RBFOX1: variants seen among roughly 807,000 people sequenced by gnomAD.
RBFOX1 encodes the protein RNA binding protein fox-1 homolog 1.
A neutral mutation model predicts 57.7 loss-of-function variants in RBFOX1; 8 were observed. The observed-to-expected ratio is 0.14, with a 90% confidence interval of 0.08 to 0.25. RBFOX1 has a LOEUF of 0.25. Among genes scored for constraint, RBFOX1 ranks in the 10% least tolerant of loss-of-function variants. The pLI is 1.00. For synonymous variants in RBFOX1, 326 were observed against 222.4 expected, an observed-to-expected ratio of 1.47 and a Z score of -4.15; for missense variants, 611 against 548.5, an observed-to-expected ratio of 1.11 and a Z score of -1.14.
chr16:7,687,891 G>A (rs1489814348), intron 14 of RBFOX1, among the ~76,000 whole-genome samples: 2 of 152,014 alleles, frequency 1.3e-5, no homozygotes, highest in South Asian at 4.1e-4. Flanking sequence ...GCTGACAGAT[G>A]AGAATCAACC....
At chr16:6,670,980 A>G (rs1409266901) in intron 3 of RBFOX1, among the ~76,000 whole-genome samples, 1 of 152,200 alleles carries the variant, frequency 6.6e-6, no homozygotes, top group Non-Finnish European at 1.5e-5. Flanking sequence ...AGCCTGGGTG[A>G]CAGAGCGAGA....
intron 1 of RBFOX1, among the ~76,000 whole-genome samples, chr16:5,405,207 C>T (rs980077792): frequency 1.3e-5 from 2 of 152,126 alleles, no homozygotes; most frequent in African/African-American, 4.8e-5. Context: ...GGACCATGCG[C>T]TTCCTTGGTG....
chr16:6,465,584 A>G (rs1480526895), intron 2 of RBFOX1, among the ~76,000 whole-genome samples: 1 of 147,096 alleles, frequency 6.8e-6, no homozygotes, highest in Non-Finnish European at 1.5e-5. Context: ...CTTCTCAGTT[A>G]TAGATGTATA....
At chr16:7,617,015 A>G (rs1484742465) in intron 10 of RBFOX1, among the ~76,000 whole-genome samples, 1 of 152,046 alleles carries the variant, frequency 6.6e-6, no homozygotes, top group Non-Finnish European at 1.5e-5. Flanking sequence ...GTAAACTTGC[A>G]ATTTATAGTG....
intron 1 of RBFOX1, among the ~76,000 whole-genome samples, chr16:6,105,388 TA>T (rs915822572): frequency 3.6e-4 from 53 of 146,990 alleles, no homozygotes; most frequent in Non-Finnish European, 3.8e-4. Context: ...GCTCAGAAGG[TA>T]AAAAAAAAAA....
At chr16:6,931,684 C>G (rs534558325) in intron 3 of RBFOX1, among the ~76,000 whole-genome samples, 1 of 152,308 alleles carries the variant, frequency 6.6e-6, no homozygotes, top group South Asian at 2.1e-4. Flanking sequence ...CTCACAGACT[C>G]AAAGTCAGAC....
intron 4 of RBFOX1, among the ~76,000 whole-genome samples, chr16:7,309,597 T>G (rs903361111): frequency 1.3e-5 from 2 of 152,204 alleles, no homozygotes; most frequent in Non-Finnish European, 2.9e-5. Flanking sequence ...AATTCTCCAG[T>G]AGCTGATGGA....
At chr16:5,811,058 T>C (rs112242085) in intron 3 of RBFOX1, among the ~76,000 whole-genome samples, 109 of 151,522 alleles carry the variant, frequency 7.2e-4, no homozygotes, top group Non-Finnish European at 1.3e-3. Context: ...CCCATCCTCC[T>C]CAGACAACCA....
intron 2 of RBFOX1, among the ~76,000 whole-genome samples, chr16:6,633,340 C>T (rs1405855837): frequency 3.9e-5 from 6 of 152,110 alleles, no homozygotes; most frequent in African/African-American, 7.2e-5. Context: ...TGCAGCGGCA[C>T]GATCTTGGCT....
chr16:5,567,612 T>C (rs543739106), intron 2 of RBFOX1, among the ~76,000 whole-genome samples: 33 of 46,752 alleles, frequency 7.1e-4, no homozygotes, highest in African/African-American at 2.5e-3. Flanking sequence ...TAAACCATAG[T>C]GGGGGGGTAT....
intron 3 of RBFOX1, among the ~76,000 whole-genome samples, chr16:6,756,192 G>T (rs1419992135): frequency 6.6e-6 from 1 of 152,014 alleles, no homozygotes; most frequent in Non-Finnish European, 1.5e-5. Context: ...CCTATAACTG[G>T]ATTTATTTAA....
chr16:6,150,378 G>A (rs2096789159), intron 1 of RBFOX1, among the ~76,000 whole-genome samples: 1 of 152,058 alleles, frequency 6.6e-6, no homozygotes, highest in African/African-American at 2.4e-5. Flanking sequence ...GAAGTTGTGA[G>A]GATCTATCTC....
At chr16:6,031,775 CT>C (rs1419381613) in intron 1 of RBFOX1, among the ~76,000 whole-genome samples, 1 of 152,198 alleles carries the variant, frequency 6.6e-6, no homozygotes, top group Non-Finnish European at 1.5e-5. Flanking sequence ...GCTGGGCACG[CT>C]GCTTACAGCA....
At chr16:7,314,520 CT>C (rs2096394003) in intron 4 of RBFOX1, among the ~76,000 whole-genome samples, 1 of 152,158 alleles carries the variant, frequency 6.6e-6, no homozygotes, top group Non-Finnish European at 1.5e-5. Context: ...CATTGCCTTT[CT>C]GTAAAGAATG....
At chr16:5,273,619 G>T (rs2151129855) in intron 1 of RBFOX1, among the ~76,000 whole-genome samples, 1 of 152,204 alleles carries the variant, frequency 6.6e-6, no homozygotes, top group African/African-American at 2.4e-5. Context: ...GGGGAGTGGT[G>T]GATATCAGAG....
At chr16:6,270,740 A>C (rs1567819353) in intron 1 of RBFOX1, among the ~76,000 whole-genome samples, 1 of 152,212 alleles carries the variant, frequency 6.6e-6, no homozygotes, top group Non-Finnish European at 1.5e-5. Context: ...AATCAACATT[A>C]TAGAACACTC....
At chr16:5,560,362 C>T (rs1204882208) in intron 2 of RBFOX1, among the ~76,000 whole-genome samples, 5 of 152,214 alleles carry the variant, frequency 3.3e-5, no homozygotes, top group South Asian at 4.1e-4. Flanking sequence ...GAATTACTTC[C>T]TCCAGGAAGC....
At chr16:7,144,626 G>C (rs548686029) in intron 4 of RBFOX1, among the ~76,000 whole-genome samples, 3 of 151,914 alleles carry the variant, frequency 2.0e-5, no homozygotes, top group Non-Finnish European at 4.4e-5. Context: ...TGAACATTTA[G>C]TGATGCCATA....
intron 2 of RBFOX1, among the ~76,000 whole-genome samples, chr16:6,422,849 C>T (rs1490520379): frequency 6.6e-6 from 1 of 152,274 alleles, no homozygotes; most frequent in East Asian, 1.9e-4. Flanking sequence ...TGAGATTTGG[C>T]AAGGACAGAG....
Sources: gnomAD v4.1 joint callset for allele counts (sites outside exome capture counted in the v4.1 genomes callset) on GRCh38, gnomAD v4.1.1 for gene constraint, MANE v1.5 for transcripts, NCBI Gene and HGNC (gene_info 2026-07-23, HGNC 2026-07-21) for gene names.